Variants in NRG1 observed in about 807,000 individuals in gnomAD.
NRG1 encodes pro-neuregulin-1, membrane-bound isoform.
Under a neutral mutation model 63.8 loss-of-function variants are expected in NRG1, and 18 were observed. The ratio of observed to expected loss-of-function variants is 0.28; its 90% CI spans 0.19 to 0.42. The LOEUF (loss-of-function observed/expected upper bound fraction) is 0.42, where lower values mean the gene tolerates loss of function less well. NRG1 is among the 10% of genes least tolerant of loss of function. NRG1 has a pLI of 1.00. For missense variants in NRG1, 762 were observed against 814.7 expected (o/e 0.94, Z 0.79); for synonymous variants, 302 against 301.3 (o/e 1.00, Z -0.02).
At chr8:31,999,021 A>C (rs1812486304) in intron 1 of NRG1, among the ~76,000 whole-genome samples, 1 of 151,922 alleles carries the variant, frequency 6.6e-6, no homozygotes, top group African/African-American at 2.4e-5. Context: ...ATACTTCGTA[A>C]AATCAGATAC....
At chr8:32,616,565 G>C (rs1194888972) in intron 4 of NRG1, among the ~76,000 whole-genome samples, 2 of 152,088 alleles carry the variant, frequency 1.3e-5, no homozygotes, top group Non-Finnish European at 2.9e-5. Context: ...GTCTCTCTTG[G>C]AAGTTCAGAT....
intron 1 of NRG1, among the ~76,000 whole-genome samples, chr8:31,675,923 C>T (rs1167646787): frequency 6.6e-6 from 1 of 152,094 alleles, no homozygotes; most frequent in African/African-American, 2.4e-5. Flanking sequence ...TGCCATGCTT[C>T]CTCTCCAAAG....
chr8:31,955,028 GAGAA>G (rs1371043248), intron 1 of NRG1, among the ~76,000 whole-genome samples: 1 of 152,120 alleles, frequency 6.6e-6, no homozygotes, highest in East Asian at 1.9e-4. Flanking sequence ...AGAAGGGAAA[GAGAA>G]AGAGAGTAAG....
intron 1 of NRG1, among the ~76,000 whole-genome samples, chr8:31,763,177 A>T (rs1817723289): frequency 6.6e-6 from 1 of 152,198 alleles, no homozygotes; most frequent in South Asian, 2.1e-4. Flanking sequence ...TTCTCATTTG[A>T]TAAAGGAAAT....
At chr8:31,731,883 G>A (rs1814107739) in intron 1 of NRG1, among the ~76,000 whole-genome samples, 1 of 152,110 alleles carries the variant, frequency 6.6e-6, no homozygotes, top group Non-Finnish European at 1.5e-5. Context: ...TGAGTCATTT[G>A]ACCCAATATT....
intron 1 of NRG1, among the ~76,000 whole-genome samples, chr8:32,154,486 C>T (rs2131850801): frequency 6.6e-6 from 1 of 152,168 alleles, no homozygotes; most frequent in Non-Finnish European, 1.5e-5. Flanking sequence ...TTCTGTTCTC[C>T]AGTACCTTCC....
At chr8:32,570,045 T>C (rs1838245344) in intron 1 of NRG1, among the ~76,000 whole-genome samples, 1 of 151,742 alleles carries the variant, frequency 6.6e-6, no homozygotes, top group Non-Finnish European at 1.5e-5. Context: ...GTAGCTGGGA[T>C]TACAGGCACA....
intron 1 of NRG1, among the ~76,000 whole-genome samples, chr8:32,397,106 A>C (rs1179029503): frequency 1.3e-5 from 2 of 152,212 alleles, no homozygotes; most frequent in Non-Finnish European, 2.9e-5. Context: ...ATAGGTAGGT[A>C]GGCAGATTAG....
chr8:31,978,108 A>G (rs1808493814), intron 1 of NRG1, among the ~76,000 whole-genome samples: 1 of 152,204 alleles, frequency 6.6e-6, no homozygotes, highest in South Asian at 2.1e-4. Context: ...TGCCTCTGAT[A>G]ATTATGTATT....
intron 1 of NRG1, among the ~76,000 whole-genome samples, chr8:31,657,838 C>A (rs556559845): frequency 6.6e-6 from 1 of 152,242 alleles, no homozygotes; most frequent in South Asian, 2.1e-4. Context: ...GAGGCAGAAC[C>A]TTTATTTGCC....
exon 12 of NRG1, chr8:32,765,463 G>T (rs879879148): frequency 2.0e-5 from 3 of 152,180 alleles, no homozygotes; most frequent in African/African-American, 7.2e-5. Flanking sequence ...TCATAGGGAA[G>T]TATTTCCATC....
intron 1 of NRG1, among the ~76,000 whole-genome samples, chr8:32,387,260 A>G (rs1811135013): frequency 6.6e-6 from 1 of 152,218 alleles, no homozygotes; most frequent in Non-Finnish European, 1.5e-5. Context: ...GACAAGATTT[A>G]TTGATGTGAC....
chr8:32,505,889 G>C (rs1828462445), intron 1 of NRG1, among the ~76,000 whole-genome samples: 1 of 152,086 alleles, frequency 6.6e-6, no homozygotes, highest in Non-Finnish European at 1.5e-5. Flanking sequence ...GTGTTTTTTA[G>C]GGTCCTTGAC....
intron 1 of NRG1, among the ~76,000 whole-genome samples, chr8:32,517,048 T>C (rs1235208360): frequency 1.3e-5 from 2 of 152,120 alleles, no homozygotes; most frequent in Non-Finnish European, 2.9e-5. Context: ...ATGAGTAATT[T>C]TATGTCAGAA....
At chr8:32,429,566 A>G (rs1345275497) in intron 1 of NRG1, among the ~76,000 whole-genome samples, 1 of 152,226 alleles carries the variant, frequency 6.6e-6, no homozygotes, top group Admixed American at 6.6e-5. Context: ...ATACACAGCT[A>G]ATAATTCAAG....
chr8:32,417,235 G>A (rs1554534701), intron 1 of NRG1, among the ~76,000 whole-genome samples: 1 of 152,116 alleles, frequency 6.6e-6, no homozygotes, highest in Non-Finnish European at 1.5e-5. Context: ...AGGAAAAATA[G>A]CACTAGTATC....
chr8:32,391,650 T>A (rs1811780667), intron 1 of NRG1, among the ~76,000 whole-genome samples: 1 of 152,328 alleles, frequency 6.6e-6, no homozygotes, highest in Non-Finnish European at 1.5e-5. Context: ...TCACTGAGAA[T>A]GATGGCCTCT....
intron 2 of NRG1, among the ~76,000 whole-genome samples, chr8:32,597,440 A>G (rs1244750894): frequency 6.6e-6 from 1 of 152,192 alleles, no homozygotes; most frequent in Non-Finnish European, 1.5e-5. Context: ...ATAGATCTAT[A>G]GCTTTGGAAG....
chr8:32,630,976 C>G (rs897625309), intron 5 of NRG1, among the ~76,000 whole-genome samples: 2 of 152,008 alleles, frequency 1.3e-5, no homozygotes, highest in African/African-American at 4.8e-5. Context: ...GTTTATTTTT[C>G]TTTGAAATCA....
Sources: allele counts gnomAD v4.1 joint callset (sites outside exome capture counted in the v4.1 genomes callset), GRCh38; gene constraint gnomAD v4.1.1; transcripts MANE v1.5; gene names NCBI Gene and HGNC (gene_info 2026-07-23, HGNC 2026-07-21).